Variants in TMEM181 observed in about 807,000 individuals in gnomAD.
TMEM181 encodes transmembrane protein 181.
In TMEM181, 39 loss-of-function variants were observed where a neutral mutation model predicts 71.9. The ratio of observed to expected loss-of-function variants is 0.54; its 90% CI spans 0.42 to 0.71. The LOEUF is 0.71. Among genes scored for constraint, TMEM181 ranks in the 30% least tolerant of loss-of-function variants. TMEM181 has a pLI of 0.00. For missense variants in TMEM181, 595 were observed against 583.0 expected, an observed-to-expected ratio of 1.02 and a Z score of -0.21; for synonymous variants, 245 against 228.8, an observed-to-expected ratio of 1.07 and a Z score of -0.64.
At chr6:158,597,592 C>T (rs1784449146) in intron 6 of TMEM181, among the ~76,000 whole-genome samples, 1 of 152,052 alleles carries the variant, frequency 6.6e-6, no homozygotes, top group Non-Finnish European at 1.5e-5. Context: ...TATCAACCTC[C>T]CAGCCTCAAG....
At chr6:158,605,129 AAAGTG>A in intron 6 of TMEM181, 133 bp from the exon 7 acceptor site, 1 of 394,016 alleles carries the variant, frequency 2.5e-6, no homozygotes, top group Non-Finnish European at 4.3e-6. Flanking sequence ...AAAAAAAAAA[AAAGTG>A]TGTGTGTGTG....
intron 1 of TMEM181, among the ~76,000 whole-genome samples, chr6:158,539,836 C>T (rs1363668738): frequency 2.0e-5 from 3 of 152,150 alleles, no homozygotes; most frequent in South Asian, 2.1e-4. Context: ...TGCTAACTGC[C>T]GGGCCTTGTG....
At position 158,586,597 on chromosome 6, in the gene TMEM181, C is replaced by T. The variant is rs546860149; in HGVS notation, c.381+1172C>T. The stretch of plus-strand genomic sequence containing the variant: ...TTCTGAAGCTTGTGGCCTTAACCAC[C>T]ATGGATACTGCCTAGTTACTAGTGA... On this transcript the variant is annotated intron_variant, in intron 5 of 16. Transcript: ENST00000684151. 3.9e-5 allele frequency among the ~76,000 whole-genome samples: 6 copies of T among 152,270 alleles called. No homozygotes were observed. The South Asian group carries it at 1.2e-3, about 32-fold the overall frequency.
chr6:158,570,807 T>G (rs1333393680), intron 1 of TMEM181, among the ~76,000 whole-genome samples: 2 of 152,128 alleles, frequency 1.3e-5, no homozygotes, highest in East Asian at 3.8e-4. Flanking sequence ...TTTATTTGCA[T>G]TTCCCCACCA....
chr6:158,597,505 G>A (rs7768917), intron 6 of TMEM181, among the ~76,000 whole-genome samples: 1 of 151,736 alleles, frequency 6.6e-6, no homozygotes, highest in Non-Finnish European at 1.5e-5. Context: ...GCCTCAGCTA[G>A]CCCCCCCTTT....
At chr6:158,560,778 A>G (rs1272607050) in intron 1 of TMEM181, among the ~76,000 whole-genome samples, 4 of 150,952 alleles carry the variant, frequency 2.6e-5, no homozygotes, top group Admixed American at 2.6e-4. Context: ...GTCGAGTTAT[A>G]TGAGTTTTAT....
intron 10 of TMEM181, 76 bp downstream of exon 10, chr6:158,608,826 AGTGG>A: frequency 7.3e-7 from 1 of 1,373,764 alleles, no homozygotes; most frequent in East Asian, 2.3e-5. Context: ...GGCCAGGCGT[AGTGG>A]CTCACGCCTG....
intron 2 of TMEM181, among the ~76,000 whole-genome samples, chr6:158,580,142 C>A (rs1164037548): frequency 6.6e-6 from 1 of 152,052 alleles, no homozygotes; most frequent in Non-Finnish European, 1.5e-5. Flanking sequence ...ACCAGCCTGA[C>A]CAACATGGTG....
chr6:158,580,970 AT>A lies in TMEM181; in HGVS notation c.148del (p.Ser50HisfsTer2). The A allele has an allele frequency of 1.2e-6, 2 of 1,609,438 alleles. No individual in the cohort carries two copies. Among genetic ancestry groups the A allele is most frequent in the Non-Finnish European group, 1.7e-6 (2 of 1,176,164 alleles). ...GPKVIQTSAA[N>X]FSLNNSKKLK... ...AAAGTGATCCAGACTTCTGCGGCTA[AT>A]TTTTCACTAAATAATAGCAAAAAGG... On this transcript the variant is annotated frameshift_variant, in exon 3 of 17. Coordinates refer to ENST00000684151, the MANE Select transcript of TMEM181 (RefSeq NM_001376852.1). LOFTEE classifies it high-confidence loss of function.
At chr6:158,602,273 G>C (rs931371100) in intron 6 of TMEM181, among the ~76,000 whole-genome samples, 4 of 152,208 alleles carry the variant, frequency 2.6e-5, no homozygotes, top group African/African-American at 9.6e-5. Flanking sequence ...AACAGAAATT[G>C]TTTATTCATT....
intron 1 of TMEM181, among the ~76,000 whole-genome samples, chr6:158,550,244 C>G (rs751499445): frequency 2.6e-5 from 4 of 151,816 alleles, no homozygotes; most frequent in Non-Finnish European, 4.4e-5. Flanking sequence ...AGGGTTTCAC[C>G]ATGTTGGTCA....
rs1435245151 is a variant in TMEM181, at chr6:158,633,510, A to G, written c.*1622A>G. ...CAGAAGATGATAGTTCCGCAACGCA[A>G]GCAGTACCTACTTTTTTTCTTCATC... On this transcript the variant is annotated 3_prime_UTR_variant, in exon 17 of 17. Coordinates refer to ENST00000684151, the MANE Select transcript of TMEM181 (RefSeq NM_001376852.1). 1 of 152,212 alleles carries G rather than the reference A, an allele frequency of 6.6e-6. No individual in the cohort carries two copies. The highest frequency in any genetic ancestry group is 1.5e-5 in the Non-Finnish European group (1 of 68,032). The allele number at this position is 152,212 out of a possible 1,614,324, so 9.4% of individuals were successfully genotyped here. A position where few individuals can be genotyped will look rare whatever the true frequency, so the allele number is the denominator to read the frequency against.
chr6:158,537,621 C>T (rs1781173377), intron 1 of TMEM181, among the ~76,000 whole-genome samples: 1 of 152,182 alleles, frequency 6.6e-6, no homozygotes, highest in African/African-American at 2.4e-5. Flanking sequence ...TTGGCGGTGT[C>T]GGGACAGGAC....
chr6:158,582,240 T>G (rs1199320121), intron 3 of TMEM181, among the ~76,000 whole-genome samples: 1 of 152,164 alleles, frequency 6.6e-6, no homozygotes, highest in African/African-American at 2.4e-5. Flanking sequence ...AGTTCATCTT[T>G]TACAGTTTCT....
In TMEM181 at chr6:158,584,739, C is replaced by T. The variant is rs139714018; in HGVS notation, c.260-565C>T. ...AATGAAGTGAAACAAATATATATTA[C>T]GAAAAAATTATCCCCTCTTTGTAAC... On this transcript the variant is annotated intron_variant, in intron 4 of 16. Transcript: ENST00000684151. Among the ~76,000 whole-genome samples, 1,333 of 152,102 alleles carry T rather than the reference C, an allele frequency of 8.8e-3. 15 individuals are homozygous for T. Among genetic ancestry groups the T allele is most frequent in the Non-Finnish European group, 0.012 (798 of 68,004 alleles).
chr6:158,617,616 G>C (rs1785692469), intron 10 of TMEM181, among the ~76,000 whole-genome samples: 1 of 152,166 alleles, frequency 6.6e-6, no homozygotes, highest in Non-Finnish European at 1.5e-5. Flanking sequence ...TGGGCATTTA[G>C]TGCTATAAAT....
At chr6:158,584,739 C>G (rs139714018) in intron 4 of TMEM181, among the ~76,000 whole-genome samples, 14 of 151,986 alleles carry the variant, frequency 9.2e-5, no homozygotes, top group Admixed American at 5.9e-4. Context: ...ATATATATTA[C>G]GAAAAAATTA....
chr6:158,574,737 T>TCTGC (rs1012373612), intron 2 of TMEM181, among the ~76,000 whole-genome samples: 64 of 152,292 alleles, frequency 4.2e-4, no homozygotes, highest in South Asian at 1.4e-3. Context: ...TATCTACCTA[T>TCTGC]CTGCCTGCCT....
At chr6:158,610,152 C>G in intron 10 of TMEM181, 1 of 223,986 alleles carries the variant, frequency 4.5e-6, no homozygotes, top group East Asian at 1.0e-4. Context: ...TCTTAAATAC[C>G]TTGTGATGTT....
Sources: gnomAD v4.1 joint callset for allele counts (sites outside exome capture counted in the v4.1 genomes callset) on GRCh38, gnomAD v4.1.1 for gene constraint, MANE v1.5 for transcripts, NCBI Gene and HGNC (gene_info 2026-07-23, HGNC 2026-07-21) for gene names.